Variants in SAMD12 observed in about 807,000 individuals in gnomAD.
SAMD12 encodes sterile alpha motif domain containing 12.
In SAMD12, 9 loss-of-function variants were observed where a neutral mutation model predicts 15.0. That is an observed-to-expected ratio of 0.60 (90% CI 0.36 to 1.05). The LOEUF is 1.05. SAMD12 is among the 50% of genes least tolerant of loss of function. SAMD12 has a pLI of 0.01. For missense variants in SAMD12, 230 were observed against 234.2 expected (o/e 0.98, Z 0.12); for synonymous variants, 86 against 90.1 (o/e 0.96, Z 0.25).
At chr8:118,481,642 T>TG (rs1218220942) in intron 2 of SAMD12, among the ~76,000 whole-genome samples, 7 of 152,254 alleles carry the variant, frequency 4.6e-5, no homozygotes, top group African/African-American at 1.7e-4. Flanking sequence ...CTGTGCTAGA[T>TG]GGTCTGGGGA....
intron 4 of SAMD12, among the ~76,000 whole-genome samples, chr8:118,239,266 CTT>C (rs1250416114): frequency 1.3e-5 from 2 of 152,066 alleles, no homozygotes; most frequent in Admixed American, 6.6e-5. Flanking sequence ...AGTATCTTCT[CTT>C]TGTTAGGCAC....
At chr8:118,373,247 T>C (rs1241674454), downstream of SAMD12, among the ~76,000 whole-genome samples, 12 of 152,162 alleles carry the variant, frequency 7.9e-5, no homozygotes, top group Non-Finnish European at 8.8e-5. Flanking sequence ...TGCCACTAAC[T>C]AGCTGTGTAA....
At chr8:118,340,594 C>T (rs1030802909) in intron 4 of SAMD12, among the ~76,000 whole-genome samples, 4 of 152,138 alleles carry the variant, frequency 2.6e-5, no homozygotes, top group Non-Finnish European at 5.9e-5. Flanking sequence ...TATGGCGAAA[C>T]CCTGTCTTCA....
intron 2 of SAMD12, among the ~76,000 whole-genome samples, chr8:118,500,067 C>T (rs1213529016): frequency 1.2e-4 from 9 of 72,572 alleles, no homozygotes; most frequent in South Asian, 7.2e-4. Context: ...TGAGTTTTGC[C>T]TTTTTTTTTT....
intron 4 of SAMD12, among the ~76,000 whole-genome samples, chr8:118,202,164 T>TTAGTAAA (rs66702886): frequency 0.51 from 78,290 of 152,034 alleles, 21,637 homozygotes; most frequent in Non-Finnish European, 0.62. Flanking sequence ...TGCGTGGTGT[T>TTAGTAAA]TAGTAAATAA....
chr8:118,174,831 C>A, the SAMD12 span, among the ~76,000 whole-genome samples: 1 of 151,984 alleles, frequency 6.6e-6, no homozygotes, highest in Non-Finnish European at 1.5e-5. Flanking sequence ...CTTTCTTTTT[C>A]CCCTCTATGT....
At chr8:118,160,755 C>A in the SAMD12 span, among the ~76,000 whole-genome samples, 3 of 152,038 alleles carry the variant, frequency 2.0e-5, no homozygotes, top group Non-Finnish European at 4.4e-5. Flanking sequence ...AGAGAAAAAT[C>A]TTTATAACCT....
intron 3 of SAMD12, among the ~76,000 whole-genome samples, chr8:118,416,438 A>G (rs1271320935): frequency 6.6e-6 from 1 of 152,222 alleles, no homozygotes; most frequent in Non-Finnish European, 1.5e-5. Flanking sequence ...TATCTCTAAC[A>G]TGCCCTAGAG....
At chr8:118,268,881 G>A (rs1396242890) in intron 4 of SAMD12, among the ~76,000 whole-genome samples, 1 of 152,080 alleles carries the variant, frequency 6.6e-6, no homozygotes, top group East Asian at 1.9e-4. Context: ...AGTCTCTCCT[G>A]GAGCCTTGCT....
chr8:118,484,590 G>A (rs1443265789), intron 2 of SAMD12, among the ~76,000 whole-genome samples: 1 of 152,000 alleles, frequency 6.6e-6, no homozygotes, highest in Non-Finnish European at 1.5e-5. Flanking sequence ...ACTGCTTTTT[G>A]TATGTCAATA....
At chr8:118,547,717 T>C (rs112640803) in intron 2 of SAMD12, among the ~76,000 whole-genome samples, 2,686 of 152,304 alleles carry the variant, frequency 0.018, 84 homozygotes, top group African/African-American at 0.061. Context: ...ACTTTGGTCA[T>C]TTCTAACTTT....
chr8:118,293,600 G>A (rs1220934326), intron 4 of SAMD12, among the ~76,000 whole-genome samples: 3 of 152,154 alleles, frequency 2.0e-5, no homozygotes, highest in Non-Finnish European at 4.4e-5. Flanking sequence ...TAGCCAGTTT[G>A]CCTTTATTTA....
intron 4 of SAMD12, among the ~76,000 whole-genome samples, chr8:118,271,738 C>T (rs1469246000): frequency 1.3e-5 from 2 of 152,200 alleles, no homozygotes; most frequent in Non-Finnish European, 2.9e-5. Context: ...AGTCTGAAAT[C>T]CAATAGGGCA....
chr8:118,182,354 A>G, the SAMD12 span, among the ~76,000 whole-genome samples: 1 of 152,292 alleles, frequency 6.6e-6, no homozygotes, highest in Admixed American at 6.5e-5. Flanking sequence ...TTATACATTC[A>G]TGTTTATTTT....
At chr8:118,406,560 T>C (rs1029587519) in intron 3 of SAMD12, among the ~76,000 whole-genome samples, 3 of 152,084 alleles carry the variant, frequency 2.0e-5, no homozygotes, top group African/African-American at 7.2e-5. Flanking sequence ...AGTCATGAGG[T>C]ACTGGCCCAA....
chr8:118,280,108 A>C (rs900006194), intron 4 of SAMD12, among the ~76,000 whole-genome samples: 9 of 152,194 alleles, frequency 5.9e-5, no homozygotes, highest in Non-Finnish European at 1.2e-4. Context: ...AGTCCAATAA[A>C]TGCTTTTAAG....
chr8:118,393,693 G>A (rs2130763489), intron 3 of SAMD12, among the ~76,000 whole-genome samples: 1 of 151,990 alleles, frequency 6.6e-6, no homozygotes, highest in Non-Finnish European at 1.5e-5. Context: ...CCGCCTCCTG[G>A]GTTCAAGTGA....
intron 2 of SAMD12, among the ~76,000 whole-genome samples, chr8:118,519,228 A>G (rs1173778583): frequency 6.6e-6 from 1 of 152,186 alleles, no homozygotes; most frequent in African/African-American, 2.4e-5. Flanking sequence ...ACAAATGCCT[A>G]AGTTAAATTT....
intron 4 of SAMD12, among the ~76,000 whole-genome samples, chr8:118,251,063 C>T (rs1414723399): frequency 2.6e-5 from 4 of 152,044 alleles, no homozygotes; most frequent in Non-Finnish European, 4.4e-5. Flanking sequence ...CAGCTTAATC[C>T]TGAGGCAACA....
Sources: allele counts gnomAD v4.1 joint callset (sites outside exome capture counted in the v4.1 genomes callset), GRCh38; gene constraint gnomAD v4.1.1; transcripts MANE v1.5; gene names NCBI Gene and HGNC (gene_info 2026-07-23, HGNC 2026-07-21).